The following TGM3 variants were observed in gnomAD, a reference collection of about 807,000 sequenced individuals.
TGM3 encodes protein-glutamine gamma-glutamyltransferase E.
A neutral mutation model predicts 73.8 loss-of-function variants in TGM3; 52 were observed. The ratio of observed to expected loss-of-function variants is 0.70; its 90% confidence interval spans 0.56 to 0.89. The LOEUF (loss-of-function observed/expected upper bound fraction) is 0.89, where lower values mean the gene tolerates loss of function less well. Ranked by LOEUF, TGM3 falls within the 40% of genes least tolerant of loss-of-function variation. The pLI is 0.00. For synonymous variants in TGM3, 372 were observed against 354.9 expected (o/e 1.05, Z -0.54); for missense variants, 928 against 909.9 (o/e 1.02, Z -0.26).
intron 1 of TGM3, among the ~76,000 whole-genome samples, chr20:2,308,116 G>A (rs1480857536): frequency 6.6e-6 from 1 of 152,126 alleles, no homozygotes; most frequent in Non-Finnish European, 1.5e-5. Context: ...CAGTTACTAG[G>A]GAGGCTGAAG....
chr20:2,318,777 A>G (rs2084248716), intron 7 of TGM3, among the ~76,000 whole-genome samples: 1 of 152,248 alleles, frequency 6.6e-6, no homozygotes, highest in Admixed American at 6.5e-5. Context: ...TATCATTCCC[A>G]GAATAAGTAT....
chr20:2,325,351 G>T (rs1225415182), intron 7 of TGM3, among the ~76,000 whole-genome samples: 12 of 152,148 alleles, frequency 7.9e-5, no homozygotes, highest in Admixed American at 6.5e-4. Context: ...CTTCAGTTCA[G>T]ATCCCAGCCA....
chr20:2,340,744 C>A lies in TGM3; in HGVS notation c.*163C>A, dbSNP rs1276771937. The A allele has an allele frequency of 2.1e-6, 2 of 937,194 alleles. No homozygotes were observed. Among genetic ancestry groups the A allele is most frequent in the Non-Finnish European group, 3.3e-6 (2 of 603,042 alleles). The allele number at this position is 937,194 out of a possible 1,614,324, so 58.1% of individuals were successfully genotyped here. Reference sequence around the variant, plus strand: ...GCTCCAGCACATCCCCCTCTCCTCTCCCCCAGGTTGGGGCTGGGTCCACCC... The same window carrying A: ...GCTCCAGCACATCCCCCTCTCCTCTACCCCAGGTTGGGGCTGGGTCCACCC... On this transcript the variant is annotated 3_prime_UTR_variant, in exon 13 of 13. Transcript: ENST00000381458.
rs150174609 is a variant in TGM3 at position 2,328,145 on chromosome 20, G to A, written c.1113G>A (p.Ser371=). 66 of 1,614,002 alleles carry A rather than the reference G, an allele frequency of 4.1e-5. No individual in the cohort carries two copies. The highest frequency in any genetic ancestry group is 6.7e-5 in the East Asian group (3 of 44,892). ...GGGTGTTCCAGTGCGGCCCCGCTTC[G>A]GTCATTGGTGTTCGAGAGGGTGATG... ...SQGVFQCGPA[S]VIGVREGDVQ... Residue 371 remains serine, a synonymous_variant, in exon 9 of 13, where the codon TCG becomes TCA. Transcript: ENST00000381458. The surrounding 1 kb of genome is among the most constrained non-coding windows in gnomAD (Gnocchi z 5.2).
intron 5 of TGM3, among the ~76,000 whole-genome samples, chr20:2,313,280 C>T (rs370900209): frequency 2.5e-4 from 38 of 152,328 alleles, no homozygotes; most frequent in African/African-American, 7.5e-4. Flanking sequence ...AAGCCCTTTC[C>T]ACCACATCAT....
chr20:2,335,226 G>A lies in TGM3; in HGVS notation c.1753G>A (p.Val585Met). 1.2e-6 allele frequency: 2 copies of A among 1,614,230 alleles called. No individual in the cohort carries two copies. The highest frequency in any genetic ancestry group is 1.1e-5 in the South Asian group (1 of 91,088). ...CAAGGTCCCAGATGAGTCTGAGGTG[G>A]TGGTGGAGCGGGACATCATCCTGGA... The part of the protein sequence containing the change: ...VCKVPDESEV[V>M]VERDIILDNP... Residue 585 changes from valine to methionine, a missense_variant, in exon 11 of 13, where the codon GTG (valine) becomes ATG (methionine). By Grantham distance (21) the Val-to-Met change is conservative (BLOSUM62 1). Transcript: ENST00000381458.
At chr20:2,321,452 C>T (rs1418113128) in intron 7 of TGM3, among the ~76,000 whole-genome samples, 4 of 152,070 alleles carry the variant, frequency 2.6e-5, no homozygotes, top group Non-Finnish European at 5.9e-5. Context: ...TTTGGGAGGA[C>T]AAATGGGAGT....
intron 1 of TGM3, among the ~76,000 whole-genome samples, chr20:2,298,658 C>T (rs2084124714): frequency 6.6e-6 from 1 of 152,212 alleles, no homozygotes; most frequent in Non-Finnish European, 1.5e-5. Flanking sequence ...AACCGTTCTC[C>T]TTGGAGCTGG....
At chr20:2,338,902 G>C (rs1047029607) in intron 11 of TGM3, among the ~76,000 whole-genome samples, 1 of 152,256 alleles carries the variant, frequency 6.6e-6, no homozygotes, top group Non-Finnish European at 1.5e-5. Flanking sequence ...GCAAAGAGAT[G>C]ACTTGTCTGC....
intron 7 of TGM3, among the ~76,000 whole-genome samples, chr20:2,319,058 G>T (rs184323973): frequency 2.4e-4 from 37 of 152,298 alleles, no homozygotes; most frequent in Admixed American, 2.0e-3. Context: ...TCTCTCTAAT[G>T]ATATTGCTTA....
Position 2,332,546 on chromosome 20 carries a change from G to A in TGM3, c.1642+236G>A, listed in dbSNP as rs1468495434. On this transcript the variant is annotated intron_variant, in intron 10 of 12. Coordinates refer to ENST00000381458, the MANE Select transcript of TGM3 (RefSeq NM_003245.4). The surrounding 1 kb of genome is among the most constrained non-coding windows in gnomAD (Gnocchi z 4.4). ...ATCCTTTTACGCCCCAAGGGAGGAA[G>A]GAGGGAGGCTTTGGCAGTTCATAGC... is the stretch of plus-strand genomic sequence containing the variant. Among the ~76,000 whole-genome samples, 9 of 152,210 alleles carry A rather than the reference G, an allele frequency of 5.9e-5. No individual in the cohort carries two copies. Among genetic ancestry groups the A allele is most frequent in the Non-Finnish European group, 8.8e-5 (6 of 68,040 alleles).
chr20:2,314,276 C>T (rs905039657), intron 5 of TGM3, among the ~76,000 whole-genome samples: 4 of 152,098 alleles, frequency 2.6e-5, no homozygotes, highest in East Asian at 1.9e-4. Flanking sequence ...CTTGAGGTTA[C>T]AGTCAGCTAT....
rs1280251830 is a variant in TGM3 at position 2,312,923 on chromosome 20, G to A, written c.566G>A (p.Cys189Tyr). Residue 189 changes from cysteine (C) to tyrosine (Y), a missense_variant, in exon 5 of 13, where the codon TGC becomes TAC. Transcript: ENST00000381458. ...TTTGAAGAAGACATTCTCAGCATCTGCCTCTCAATCTTGGATAGGAGTCTG... is the reference window on the plus strand; with the variant it reads ...TTTGAAGAAGACATTCTCAGCATCTACCTCTCAATCTTGGATAGGAGTCTG... ...GQFEEDILSI[C>Y]LSILDRSLNF... is the part of the protein sequence containing the mutation. The A allele has an allele frequency of 1.2e-6, 2 of 1,614,040 alleles. No homozygotes were observed. The highest frequency in any genetic ancestry group is 1.7e-6 in the Non-Finnish European group (2 of 1,180,034).
At chr20:2,299,903 G>C (rs2084133617) in intron 1 of TGM3, among the ~76,000 whole-genome samples, 1 of 152,118 alleles carries the variant, frequency 6.6e-6, no homozygotes, top group Non-Finnish European at 1.5e-5. Context: ...TTCGAGACCA[G>C]CCTGGCCAAT....
intron 11 of TGM3, among the ~76,000 whole-genome samples, chr20:2,337,444 C>T (rs906185463): frequency 5.3e-5 from 8 of 152,112 alleles, no homozygotes; most frequent in Admixed American, 2.6e-4. Flanking sequence ...TTTGGCCAGG[C>T]GCGGTGGCTC....
chr20:2,305,747 A>T (rs1485670208), intron 1 of TGM3, among the ~76,000 whole-genome samples: 1 of 152,294 alleles, frequency 6.6e-6, no homozygotes, highest in East Asian at 1.9e-4. Context: ...CGAGCTCTGG[A>T]GCCTGCAGTC....
chr20:2,332,824 C>A lies in TGM3; in HGVS notation c.1642+514C>A, dbSNP rs529385829. Among the ~76,000 whole-genome samples, 1 of 152,294 alleles carries A rather than the reference C, an allele frequency of 6.6e-6. No homozygotes were observed. The highest frequency in any genetic ancestry group is 1.9e-4 in the East Asian group (1 of 5,180). On this transcript the variant is annotated intron_variant, in intron 10 of 12. Coordinates refer to ENST00000381458, the MANE Select transcript of TGM3 (RefSeq NM_003245.4). The surrounding 1 kb of genome is among the most constrained non-coding windows in gnomAD (Gnocchi z 4.4). ...TTCTTACCCACCTCACCCCCACTCC[C>A]ACAACAAATCGCTTTTCAAATTTGA...
At chr20:2,303,520 A>T (rs557281732) in intron 1 of TGM3, among the ~76,000 whole-genome samples, 1 of 152,222 alleles carries the variant, frequency 6.6e-6, no homozygotes, top group South Asian at 2.1e-4. Flanking sequence ...TGAATTGTAC[A>T]TTTTAAAATG....
chr20:2,321,069 T>C (rs2084260262), intron 7 of TGM3, among the ~76,000 whole-genome samples: 1 of 152,182 alleles, frequency 6.6e-6, no homozygotes, highest in Admixed American at 6.5e-5. Context: ...TGCCTCTGAA[T>C]ACCTGCTTCC....
Sources: gnomAD v4.1 joint callset for allele counts (sites outside exome capture counted in the v4.1 genomes callset) on GRCh38, gnomAD v4.1.1 for gene constraint, Gnocchi (gnomAD v3.1) non-coding constraint, MANE v1.5 for transcripts, NCBI Gene and HGNC (gene_info 2026-07-23, HGNC 2026-07-21) for gene names.